The following FAM3B variants were observed in gnomAD, a reference collection of about 807,000 sequenced individuals.
The protein encoded by FAM3B is FAM3 metabolism regulating signaling molecule B, also known as protein FAM3B.
FAM3B carries 29 observed loss-of-function variants against 28.4 expected under a neutral mutation model. That is an observed-to-expected ratio of 1.02 (90% CI 0.76 to 1.39). The LOEUF is 1.39. FAM3B is among the 40% of genes most tolerant of loss of function. FAM3B has a pLI of 0.00. For synonymous variants in FAM3B, 91 were observed against 103.0 expected, an observed-to-expected ratio of 0.88 and a Z score of 0.71; for missense variants, 266 against 293.9, an observed-to-expected ratio of 0.91 and a Z score of 0.69.
chr21:41,355,707 G>A (rs1264968860), intron 7 of FAM3B, among the ~76,000 whole-genome samples: 1 of 152,140 alleles, frequency 6.6e-6, no homozygotes, highest in Non-Finnish European at 1.5e-5. Context: ...CTGCTAATGG[G>A]CACATGGCTT....
chr21:41,356,044 C>T (rs12482869), intron 7 of FAM3B, among the ~76,000 whole-genome samples: 7,725 of 99,806 alleles, frequency 0.077, 472 homozygotes, highest in African/African-American at 0.27. Context: ...AATACATACA[C>T]ACACACACAC....
At chr21:41,329,706 ATTACAGGTGC>A (rs1046758685) in intron 2 of FAM3B, among the ~76,000 whole-genome samples, 1 of 151,844 alleles carries the variant, frequency 6.6e-6, no homozygotes, top group African/African-American at 2.4e-5. Flanking sequence ...AGTAGCTGGG[ATTACAGGTGC>A]TCACCACCTC....
chr21:41,330,652 A>G (rs1167177813), intron 2 of FAM3B, among the ~76,000 whole-genome samples: 1 of 152,144 alleles, frequency 6.6e-6, no homozygotes, highest in African/African-American at 2.4e-5. Flanking sequence ...CTATGAGTTC[A>G]ACTTGTTTAC....
At chr21:41,347,660 G>A (rs2089075306) in intron 6 of FAM3B, among the ~76,000 whole-genome samples, 2 of 151,102 alleles carry the variant, frequency 1.3e-5, no homozygotes, top group Non-Finnish European at 2.9e-5. Context: ...GGCTGAGGCA[G>A]GAGAATCGCT....
chr21:41,350,472 A>G (rs2089107425), intron 7 of FAM3B, among the ~76,000 whole-genome samples: 1 of 152,214 alleles, frequency 6.6e-6, no homozygotes, highest in Non-Finnish European at 1.5e-5. Flanking sequence ...AGAGAAACAC[A>G]TGGATCTCAG....
intron 2 of FAM3B, among the ~76,000 whole-genome samples, chr21:41,323,331 G>C (rs549246846): frequency 6.6e-6 from 1 of 152,142 alleles, no homozygotes; most frequent in African/African-American, 2.4e-5. Flanking sequence ...TGCTCTTTCC[G>C]CCCAGATCTT....
chr21:41,310,808 A>G (rs2088704951), intron 1 of FAM3B, among the ~76,000 whole-genome samples: 1 of 152,208 alleles, frequency 6.6e-6, no homozygotes, highest in Non-Finnish European at 1.5e-5. Context: ...TGTAGGGTGA[A>G]GGGCAGCTGC....
At chr21:41,308,099 T>C (rs1471674523) in intron 1 of FAM3B, among the ~76,000 whole-genome samples, 1 of 152,238 alleles carries the variant, frequency 6.6e-6, no homozygotes, top group East Asian at 1.9e-4. Flanking sequence ...ACATAACTTG[T>C]TTCTAAATCA....
At chr21:41,340,636 T>G (rs2088998074) in intron 3 of FAM3B, among the ~76,000 whole-genome samples, 1 of 152,224 alleles carries the variant, frequency 6.6e-6, no homozygotes, top group South Asian at 2.1e-4. Flanking sequence ...ATGAAATAAT[T>G]ACTTTCCCTG....
intron 2 of FAM3B, among the ~76,000 whole-genome samples, chr21:41,328,477 A>C (rs1474609924): frequency 6.6e-6 from 1 of 152,170 alleles, no homozygotes; most frequent in Admixed American, 6.5e-5. Context: ...CGTTTGCTTT[A>C]AATTTAGGTA....
chr21:41,336,521 G>A (rs934876527), intron 2 of FAM3B, among the ~76,000 whole-genome samples: 1 of 152,150 alleles, frequency 6.6e-6, no homozygotes, highest in Non-Finnish European at 1.5e-5. Context: ...GACTCCATCT[G>A]AAAAGAAACA....
upstream of FAM3B, chr21:41,316,754 C>A: frequency 1.0e-6 from 1 of 959,774 alleles, no homozygotes; most frequent in Non-Finnish European, 1.4e-6. Context: ...TGGCCGCGCA[C>A]CCAGCTGGCC....
At chr21:41,352,364 G>A (rs1402385392) in intron 7 of FAM3B, among the ~76,000 whole-genome samples, 1 of 152,016 alleles carries the variant, frequency 6.6e-6, no homozygotes, top group Admixed American at 6.6e-5. Context: ...AAGCCTCTCT[G>A]GCCCTGCCAC....
chr21:41,315,878 T>G (rs1388750918), upstream of FAM3B, among the ~76,000 whole-genome samples: 3 of 152,144 alleles, frequency 2.0e-5, no homozygotes, highest in African/African-American at 7.2e-5. Context: ...GCAGGGCACC[T>G]TGGGCTTCTT....
intron 1 of FAM3B, among the ~76,000 whole-genome samples, chr21:41,304,754 C>G (rs537985588): frequency 6.6e-6 from 1 of 152,282 alleles, no homozygotes; most frequent in African/African-American, 2.4e-5. Flanking sequence ...ATGGGATCCT[C>G]CTGCTTGTCC....
chr21:41,352,619 C>T (rs1172908306), intron 7 of FAM3B, among the ~76,000 whole-genome samples: 1 of 151,988 alleles, frequency 6.6e-6, no homozygotes, highest in African/African-American at 2.4e-5. Context: ...ATGGTGAAAT[C>T]CCGTCTCTAC....
At position 41,311,254 on chromosome 21, in the gene FAM3B, A is replaced by ATATATATATC. The variant is rs2088711433; in HGVS notation, n.99+6953_99+6954insCTATATATAT. ...GTCTCTACAAAAAAAAAAAAAAAATATATATATATATATATATATATATAT... is the reference window on the plus strand; with the variant it reads ...GTCTCTACAAAAAAAAAAAAAAAATATATATATATCTATATATATATATATATATATATAT... On this transcript the variant is annotated intron_variant and non_coding_transcript_variant, in intron 1 of 9. Transcript: ENST00000479810. Among the ~76,000 whole-genome samples, 2 of 28,250 alleles carry ATATATATATC rather than the reference A, an allele frequency of 7.1e-5. 1 individual carries two copies. Among genetic ancestry groups the ATATATATATC allele is most frequent in the Non-Finnish European group, 1.1e-4 (2 of 17,440 alleles). The allele number at this position is 28,250 out of a possible 152,430, so 18.5% of individuals were successfully genotyped here.
intron 7 of FAM3B, among the ~76,000 whole-genome samples, chr21:41,349,623 A>C (rs2089096181): frequency 6.6e-6 from 1 of 152,186 alleles, no homozygotes; most frequent in South Asian, 2.1e-4. Flanking sequence ...TCTGGGAAGA[A>C]AGACAAGCAA....
chr21:41,347,406 G>A (rs759111313), intron 6 of FAM3B, among the ~76,000 whole-genome samples: 1 of 152,046 alleles, frequency 6.6e-6, no homozygotes, highest in Non-Finnish European at 1.5e-5. Flanking sequence ...CTAAACCCAG[G>A]GTGGCATTAA....
Sources: gnomAD v4.1 joint callset for allele counts (sites outside exome capture counted in the v4.1 genomes callset) on GRCh38, gnomAD v4.1.1 for gene constraint, MANE v1.5 for transcripts, NCBI Gene and HGNC (gene_info 2026-07-23, HGNC 2026-07-21) for gene names.